The following NBEA variants were observed in gnomAD, a reference collection of about 807,000 sequenced individuals.
The protein encoded by NBEA is neurobeachin, also known as lysosomal-trafficking regulator 2.
A neutral mutation model predicts 343.4 loss-of-function variants in NBEA; 44 were observed. That is an observed-to-expected ratio of 0.13 (90% CI 0.10 to 0.16). The LOEUF is 0.16. NBEA is among the 10% of genes least tolerant of loss of function. The pLI is 1.00. For synonymous variants in NBEA, 1,175 were observed against 1,238.7 expected, an observed-to-expected ratio of 0.95 and a Z score of 1.08; for missense variants, 2,555 against 3,631.3, an observed-to-expected ratio of 0.70 and a Z score of 7.62.
intron 38 of NBEA, among the ~76,000 whole-genome samples, chr13:35,402,405 G>C (rs182526250): frequency 6.6e-6 from 1 of 152,064 alleles, no homozygotes; most frequent in East Asian, 1.9e-4. Context: ...TATAATGAAA[G>C]ATTGCCATAT....
intron 41 of NBEA, among the ~76,000 whole-genome samples, chr13:35,503,918 T>C (rs991914887): frequency 6.6e-6 from 1 of 152,170 alleles, no homozygotes; most frequent in African/African-American, 2.4e-5. Flanking sequence ...TTAAATGTTA[T>C]TGTATTATTT....
In NBEA at chr13:35,174,215, T is replaced by C. The variant is rs1025890729; in HGVS notation, c.4554+621T>C. Among the ~76,000 whole-genome samples the C allele has an allele frequency of 2.0e-5, 3 of 152,146 alleles. No homozygotes were observed. The East Asian group carries it at 5.8e-4, about 29-fold the overall frequency. The stretch of plus-strand genomic sequence containing the variant: ...CTATTTCCCCTAACTTCTCAGACTT[T>C]TATATGATTTCCTTTCCATAAAGTA... On this transcript the variant is annotated intron_variant, in intron 27 of 58. Coordinates refer to ENST00000379939, the MANE Select transcript of NBEA (RefSeq NM_001385012.1).
intron 48 of NBEA, among the ~76,000 whole-genome samples, chr13:35,620,229 T>C (rs2153059935): frequency 6.6e-6 from 1 of 152,154 alleles, no homozygotes; most frequent in Non-Finnish European, 1.5e-5. Context: ...AAGTGAAATA[T>C]CTAGTATCTT....
intron 29 of NBEA, among the ~76,000 whole-genome samples, chr13:35,183,762 G>T (rs910570908): frequency 5.9e-5 from 9 of 151,880 alleles, no homozygotes; most frequent in African/African-American, 1.9e-4. Flanking sequence ...TTGTGTATTT[G>T]TATGTCTCTG....
chr13:35,278,636 C>A (rs1356870441), intron 34 of NBEA, among the ~76,000 whole-genome samples: 1 of 152,140 alleles, frequency 6.6e-6, no homozygotes, highest in African/African-American at 2.4e-5. Context: ...AGAACCAATA[C>A]TTTTCCATAT....
chr13:35,014,096 A>G (rs2061571214), intron 1 of NBEA, among the ~76,000 whole-genome samples: 1 of 152,148 alleles, frequency 6.6e-6, no homozygotes, highest in Non-Finnish European at 1.5e-5. Flanking sequence ...TAGGATATAA[A>G]CACAGTTATT....
rs546141043 is a variant in NBEA, at chr13:34,987,035, A to G, written c.294+43921A>G. ...ATTTAAGGTTAATATTTTTATGTGA[A>G]TCTGATCCTGTCATTATGCTGTTAG... On this transcript the variant is annotated intron_variant, in intron 1 of 58. Coordinates refer to ENST00000379939, the MANE Select transcript of NBEA (RefSeq NM_001385012.1). Among the ~76,000 whole-genome samples, 16 of 150,982 alleles carry G rather than the reference A, an allele frequency of 1.1e-4. No homozygotes were observed. In the East Asian group the frequency reaches 3.1e-3, roughly 29 times the overall value.
intron 49 of NBEA, among the ~76,000 whole-genome samples, chr13:35,644,232 T>A (rs1340940273): frequency 3.9e-5 from 6 of 152,182 alleles, no homozygotes; most frequent in African/African-American, 7.2e-5. Context: ...ACTGACTGTC[T>A]TAATGAAAGG....
intron 45 of NBEA, among the ~76,000 whole-genome samples, chr13:35,582,071 G>A (rs1463589820): frequency 3.9e-5 from 6 of 152,040 alleles, no homozygotes; most frequent in Non-Finnish European, 7.4e-5. Context: ...CGAATCATGA[G>A]GTCAGGAGAT....
chr13:35,091,407 T>A, intron 10 of NBEA, among the ~76,000 whole-genome samples: 1 of 151,990 alleles, frequency 6.6e-6, no homozygotes, highest in Non-Finnish European at 1.5e-5. Flanking sequence ...TCCTGAGTTG[T>A]GCATACATGG....
intron 1 of NBEA, among the ~76,000 whole-genome samples, chr13:35,015,009 G>T (rs1173116242): frequency 6.6e-6 from 1 of 151,158 alleles, no homozygotes; most frequent in Non-Finnish European, 1.5e-5. Context: ...GGACAGGGCC[G>T]CATCATCACC....
intron 41 of NBEA, among the ~76,000 whole-genome samples, chr13:35,531,290 G>A (rs557087952): frequency 9.9e-5 from 15 of 152,190 alleles, no homozygotes; most frequent in African/African-American, 1.9e-4. Context: ...GAGACTTGCC[G>A]TAGTCTTCCT....
intron 40 of NBEA, among the ~76,000 whole-genome samples, chr13:35,454,752 C>G (rs566775928): frequency 5.9e-5 from 9 of 151,948 alleles, no homozygotes; most frequent in Admixed American, 5.2e-4. Flanking sequence ...CCCAGCTACT[C>G]GGGAGGCTGA....
chr13:35,264,582 G>C (rs1252579442), intron 34 of NBEA, among the ~76,000 whole-genome samples: 14 of 139,712 alleles, frequency 1.0e-4, no homozygotes, highest in Non-Finnish European at 2.0e-4. Context: ...GGGATGCAGG[G>C]ATAGTTCAAC....
intron 44 of NBEA, among the ~76,000 whole-genome samples, chr13:35,557,814 G>T (rs547832493): frequency 6.6e-6 from 1 of 152,170 alleles, no homozygotes; most frequent in East Asian, 1.9e-4. Context: ...GCAGAGGGGA[G>T]GCATTTTAAA....
intron 34 of NBEA, among the ~76,000 whole-genome samples, chr13:35,241,387 A>T (rs1951955797): frequency 6.6e-6 from 1 of 151,828 alleles, no homozygotes; most frequent in African/African-American, 2.4e-5. Context: ...AAGACAAAAC[A>T]AAGTGGATCT....
At chr13:35,520,902 A>G (rs9544535) in intron 41 of NBEA, among the ~76,000 whole-genome samples, 70,298 of 151,906 alleles carry the variant, frequency 0.46, 18,210 homozygotes, top group Non-Finnish European at 0.6. Context: ...TTTTTCGGAC[A>G]TATCTTTACT....
intron 1 of NBEA, among the ~76,000 whole-genome samples, chr13:34,964,056 A>T (rs1430101861): frequency 6.6e-6 from 1 of 151,990 alleles, no homozygotes; most frequent in Admixed American, 6.6e-5. Flanking sequence ...ATAATTGTTA[A>T]ATTAAGCTTC....
chr13:35,308,459 T>TAC (rs2037071968), intron 35 of NBEA, among the ~76,000 whole-genome samples: 1 of 118,902 alleles, frequency 8.4e-6, no homozygotes, highest in South Asian at 2.4e-4. Context: ...TATATATATA[T>TAC]ATATATATAT....
Sources: gnomAD v4.1 joint callset for allele counts (sites outside exome capture counted in the v4.1 genomes callset) on GRCh38, gnomAD v4.1.1 for gene constraint, MANE v1.5 for transcripts, NCBI Gene and HGNC (gene_info 2026-07-23, HGNC 2026-07-21) for gene names.